Variants in NRG1 observed in about 807,000 individuals in gnomAD.
NRG1 encodes neuregulin 1, also known as pro-neuregulin-1, membrane-bound isoform.
NRG1 carries 18 observed loss-of-function variants against 63.8 expected under a neutral mutation model. The ratio of observed to expected loss-of-function variants is 0.28; its 90% CI spans 0.19 to 0.42. NRG1 has a LOEUF of 0.42. Ranked by LOEUF, NRG1 falls within the 10% of genes least tolerant of loss-of-function variation. The probability of loss-of-function intolerance (pLI) is 1.00; values close to 1 mark genes in which losing one functional copy is unlikely to be tolerated. For missense variants in NRG1, 762 were observed against 814.7 expected (o/e 0.94, Z 0.79); for synonymous variants, 302 against 301.3 (o/e 1.00, Z -0.02).
chr8:32,308,141 C>T (rs1271609021), intron 1 of NRG1, among the ~76,000 whole-genome samples: 1 of 152,170 alleles, frequency 6.6e-6, no homozygotes, highest in African/African-American at 2.4e-5. Context: ...TTCCAGTGGA[C>T]ATTTCTAACT....
At chr8:32,473,977 G>A (rs1285754426) in intron 1 of NRG1, among the ~76,000 whole-genome samples, 2 of 152,110 alleles carry the variant, frequency 1.3e-5, no homozygotes, top group African/African-American at 4.8e-5. Context: ...AAGCCACTGA[G>A]CCCAGCCCCA....
At chr8:31,996,055 A>G (rs1235509251) in intron 1 of NRG1, among the ~76,000 whole-genome samples, 2 of 149,782 alleles carry the variant, frequency 1.3e-5, no homozygotes, top group African/African-American at 2.5e-5. Context: ...TTTCTTCTTC[A>G]TCTCATCAAG....
At chr8:32,591,882 C>G (rs889942840) in intron 1 of NRG1, among the ~76,000 whole-genome samples, 7 of 152,032 alleles carry the variant, frequency 4.6e-5, no homozygotes, top group African/African-American at 1.4e-4. Context: ...GTGCAGCAAA[C>G]CCCTGCAACA....
At chr8:32,583,870 C>G (rs1408084633) in intron 1 of NRG1, among the ~76,000 whole-genome samples, 1 of 152,088 alleles carries the variant, frequency 6.6e-6, no homozygotes, top group Non-Finnish European at 1.5e-5. Flanking sequence ...GTAAGGAAAA[C>G]GATATGTTGA....
chr8:32,374,719 G>C (rs1809395864), intron 1 of NRG1, among the ~76,000 whole-genome samples: 1 of 151,596 alleles, frequency 6.6e-6, no homozygotes, highest in South Asian at 2.1e-4. Flanking sequence ...GAACAGATAG[G>C]GTTCTTGGAG....
intron 1 of NRG1, among the ~76,000 whole-genome samples, chr8:31,972,044 C>T (rs1457919665): frequency 6.6e-6 from 1 of 152,214 alleles, no homozygotes; most frequent in Non-Finnish European, 1.5e-5. Flanking sequence ...CGCACGCATA[C>T]ACACATGCTC....
rs182752600 is a variant in NRG1, at chr8:31,882,276, G to A, written c.37+242845G>A. Among the ~76,000 whole-genome samples the A allele has an allele frequency of 4.2e-3, 558 of 133,874 alleles. 1 individual carries two copies. The highest frequency in any genetic ancestry group is 0.034 in the Middle Eastern group (7 of 206). 87.8% of individuals were successfully genotyped at this position (133,874 alleles called of 152,430 possible). On this transcript the variant is annotated intron_variant, in intron 1 of 10. Transcript: ENST00000519301. ...CTGGATGCCAGCACATCTGTTTATA[G>A]CATGATTTACTGAAGATTTTAAGTC...
At chr8:31,949,203 G>C (rs1014703388) in intron 1 of NRG1, among the ~76,000 whole-genome samples, 2 of 152,148 alleles carry the variant, frequency 1.3e-5, no homozygotes, top group African/African-American at 2.4e-5. Context: ...ACAAATTCAT[G>C]AATTAGGTCT....
At chr8:32,717,012 G>A (rs1214916337) in intron 5 of NRG1, among the ~76,000 whole-genome samples, 4 of 152,064 alleles carry the variant, frequency 2.6e-5, no homozygotes, top group African/African-American at 9.7e-5. Flanking sequence ...TGAGTGTGGA[G>A]CCCCAAAAAT....
At position 32,431,214 on chromosome 8, in the gene NRG1, G is replaced by A. The variant is rs569366819; in HGVS notation, c.38-164614G>A. On this transcript the variant is annotated intron_variant, in intron 1 of 10. Coordinates refer to the NRG1 transcript ENST00000519301. ...ATGTTCTATCTATGAAGCTCTTACC[G>A]ATTTTATTTTATATCAAGTGAACTG... 7.2e-5 allele frequency among the ~76,000 whole-genome samples: 11 copies of A among 152,204 alleles called. No individual in the cohort carries two copies. The South Asian group carries it at 1.5e-3, about 20-fold the overall frequency.
chr8:32,604,951 T>C (rs919585762), intron 2 of NRG1, among the ~76,000 whole-genome samples: 6 of 152,316 alleles, frequency 3.9e-5, no homozygotes, highest in African/African-American at 1.4e-4. Flanking sequence ...CAAATATTTA[T>C]TCCAGTATTA....
intron 5 of NRG1, among the ~76,000 whole-genome samples, chr8:32,640,626 A>G (rs1004981062): frequency 4.3e-4 from 57 of 133,072 alleles, no homozygotes; most frequent in Non-Finnish European, 7.2e-4. Context: ...ACCCGCACAC[A>G]CACACACACA....
At chr8:32,748,106 CCT>C (rs1180393765) in intron 7 of NRG1, among the ~76,000 whole-genome samples, 3 of 151,994 alleles carry the variant, frequency 2.0e-5, no homozygotes, top group Admixed American at 6.6e-5. Flanking sequence ...CTGCTTTTTC[CCT>C]CTCTATATGA....
At chr8:32,366,713 A>ATATATATATATG (rs1358090122) in intron 1 of NRG1, among the ~76,000 whole-genome samples, 1 of 87,256 alleles carries the variant, frequency 1.1e-5, no homozygotes, top group Non-Finnish European at 2.5e-5. Flanking sequence ...ATATATATAT[A>ATATATATATATG]TCTCACTTTT....
At chr8:31,724,924 T>C (rs1181570680) in intron 1 of NRG1, among the ~76,000 whole-genome samples, 1 of 152,206 alleles carries the variant, frequency 6.6e-6, no homozygotes, top group African/African-American at 2.4e-5. Flanking sequence ...TAGGTCTCTG[T>C]TGCATCTACT....
At chr8:32,500,655 AAT>A (rs1827754981) in intron 1 of NRG1, among the ~76,000 whole-genome samples, 1 of 152,254 alleles carries the variant, frequency 6.6e-6, no homozygotes, top group Non-Finnish European at 1.5e-5. Flanking sequence ...TGAAATACTC[AAT>A]AAGCATTTCT....
intron 1 of NRG1, among the ~76,000 whole-genome samples, chr8:32,016,971 G>T (rs993898565): frequency 1.3e-5 from 2 of 152,140 alleles, no homozygotes; most frequent in African/African-American, 4.8e-5. Context: ...ATTTTCCAGA[G>T]AAATGCCATC....
At chr8:31,739,434 G>C (rs1266501063) in intron 1 of NRG1, among the ~76,000 whole-genome samples, 13 of 151,878 alleles carry the variant, frequency 8.6e-5, no homozygotes, top group Non-Finnish European at 1.9e-4. Flanking sequence ...TTTTCTTTCA[G>C]GTTATTTTGC....
chr8:31,825,579 A>G (rs530571094), intron 1 of NRG1, among the ~76,000 whole-genome samples: 7 of 152,152 alleles, frequency 4.6e-5, no homozygotes, highest in Admixed American at 6.5e-5. Context: ...TTTTGGATGA[A>G]GGGACTGAGA....
Sources: gnomAD v4.1 joint callset for allele counts (sites outside exome capture counted in the v4.1 genomes callset) on GRCh38, gnomAD v4.1.1 for gene constraint, MANE v1.5 for transcripts, NCBI Gene and HGNC (gene_info 2026-07-23, HGNC 2026-07-21) for gene names.